Variants in DPF3 observed in about 807,000 individuals in gnomAD.
The protein encoded by DPF3 is double PHD fingers 3.
DPF3 carries 18 observed loss-of-function variants against 56.8 expected under a neutral mutation model. The ratio of observed to expected loss-of-function variants is 0.32; its 90% confidence interval spans 0.22 to 0.47. The LOEUF is 0.47. Ranked by LOEUF, DPF3 falls within the 20% of genes least tolerant of loss-of-function variation. The probability of loss-of-function intolerance (pLI) is 1.00; values close to 1 mark genes in which losing one functional copy is unlikely to be tolerated. For synonymous variants in DPF3, 188 were observed against 180.2 expected (o/e 1.04, Z -0.35); for missense variants, 403 against 488.8 (o/e 0.82, Z 1.65).
At chr14:72,798,534 G>A (rs1425417031) in intron 1 of DPF3, among the ~76,000 whole-genome samples, 1 of 152,214 alleles carries the variant, frequency 6.6e-6, no homozygotes, top group Non-Finnish European at 1.5e-5. Flanking sequence ...TGGCACTGAG[G>A]ATTACATGTG....
chr14:72,644,126 G>A (rs1037649760), intron 8 of DPF3, among the ~76,000 whole-genome samples: 2 of 152,180 alleles, frequency 1.3e-5, no homozygotes, highest in African/African-American at 2.4e-5. Flanking sequence ...GACACCTGAT[G>A]TCCTTCAACA....
rs181999163 is a variant in DPF3, at chr14:72,751,413, G to A, written c.301+1851C>T. On this transcript the variant is annotated intron_variant, in intron 3 of 10. Coordinates refer to ENST00000556509, the MANE Select transcript of DPF3 (RefSeq NM_001280542.3). ...TTCTGAGGATGCACTCCAGGGGATC[G>A]TGATAAAATGCAGGTTCTGATGCAG... Among the ~76,000 whole-genome samples, 425 of 152,284 alleles carry A rather than the reference G, an allele frequency of 2.8e-3. 1 individual carries two copies. The highest frequency in any genetic ancestry group is 4.5e-3 in the Non-Finnish European group (308 of 68,036).
chr14:72,840,408 G>T (rs1235113593), intron 1 of DPF3, among the ~76,000 whole-genome samples: 1 of 151,944 alleles, frequency 6.6e-6, no homozygotes, highest in Non-Finnish European at 1.5e-5. Context: ...TCATATCACT[G>T]ATACTATTCT....
chr14:72,713,260 C>T (rs1028596461), intron 6 of DPF3, among the ~76,000 whole-genome samples: 4 of 152,238 alleles, frequency 2.6e-5, no homozygotes, highest in Non-Finnish European at 4.4e-5. Context: ...TATTAAGCAG[C>T]CAAATGGGAG....
intron 7 of DPF3, among the ~76,000 whole-genome samples, chr14:72,685,084 G>A (rs4903047): frequency 3.3e-5 from 5 of 152,136 alleles, no homozygotes; most frequent in African/African-American, 1.2e-4. Flanking sequence ...AATAAATTCC[G>A]GTTGTTTAAG....
At chr14:72,634,451 T>C (rs918358583) in intron 8 of DPF3, among the ~76,000 whole-genome samples, 1 of 152,164 alleles carries the variant, frequency 6.6e-6, no homozygotes, top group Non-Finnish European at 1.5e-5. Flanking sequence ...TTTCTAAGGT[T>C]CACTGGTCTT....
At chr14:72,881,648 A>G (rs1386951851) in intron 1 of DPF3, among the ~76,000 whole-genome samples, 1 of 152,184 alleles carries the variant, frequency 6.6e-6, no homozygotes, top group Non-Finnish European at 1.5e-5. Flanking sequence ...AAATATTAAA[A>G]TCATTAAAGG....
At chr14:72,864,256 C>G (rs1885571947) in intron 1 of DPF3, among the ~76,000 whole-genome samples, 1 of 152,196 alleles carries the variant, frequency 6.6e-6, no homozygotes, top group Non-Finnish European at 1.5e-5. Context: ...TCCCTCCCAT[C>G]CAGCAGGTCT....
chr14:72,724,681 A>C (rs1054040036), intron 4 of DPF3, among the ~76,000 whole-genome samples: 1 of 149,996 alleles, frequency 6.7e-6, no homozygotes, highest in South Asian at 2.1e-4. Flanking sequence ...ACTGGGCTCC[A>C]TGTCAGGGGG....
At chr14:72,891,229 C>T (rs1407617325) in intron 1 of DPF3, among the ~76,000 whole-genome samples, 1 of 151,982 alleles carries the variant, frequency 6.6e-6, no homozygotes, top group Non-Finnish European at 1.5e-5. Context: ...TTCTTCCCAA[C>T]ACATTAACTA....
intron 1 of DPF3, among the ~76,000 whole-genome samples, chr14:72,887,372 C>T (rs137952788): frequency 1.3e-5 from 2 of 152,084 alleles, no homozygotes; most frequent in African/African-American, 4.8e-5. Flanking sequence ...AGAGGAAAAG[C>T]CCACATTCTA....
intron 9 of DPF3, 60 bp downstream of exon 9, chr14:72,629,564 C>T: frequency 6.9e-7 from 1 of 1,453,522 alleles, no homozygotes; most frequent in Non-Finnish European, 9.3e-7. Context: ...TCCTCTTCAC[C>T]CCTCAAAGGA....
chr14:72,664,743 TTCCACTAATTATCTCA>T (rs1434623029), intron 8 of DPF3, among the ~76,000 whole-genome samples: 2 of 152,224 alleles, frequency 1.3e-5, no homozygotes, highest in African/African-American at 4.8e-5. Context: ...TTGGTAAGAC[TTCCACTAATTATCTCA>T]GAAACTGCTC....
chr14:72,707,557 C>T (rs1489681452), intron 6 of DPF3, among the ~76,000 whole-genome samples: 1 of 152,158 alleles, frequency 6.6e-6, no homozygotes. Context: ...CACTATATAG[C>T]CCTAAAAACT....
chr14:72,836,027 C>A, intron 1 of DPF3: 1 of 984,888 alleles, frequency 1.0e-6, no homozygotes, highest in Non-Finnish European at 1.2e-6. Context: ...CGTCACCACA[C>A]GGGTGCCTCG....
chr14:72,882,812 C>T (rs1886370871), intron 1 of DPF3, among the ~76,000 whole-genome samples: 1 of 152,190 alleles, frequency 6.6e-6, no homozygotes, highest in Non-Finnish European at 1.5e-5. Flanking sequence ...CTCCCCACTC[C>T]CCTCACCTAT....
intron 2 of DPF3, among the ~76,000 whole-genome samples, chr14:72,762,851 T>TG (rs1277766888): frequency 6.6e-6 from 1 of 151,924 alleles, no homozygotes; most frequent in African/African-American, 2.4e-5. Flanking sequence ...TAACAGATAA[T>TG]CAACTATATA....
At chr14:72,672,060 G>GACACACAC (rs369762823) in intron 8 of DPF3, among the ~76,000 whole-genome samples, 1 of 132,976 alleles carries the variant, frequency 7.5e-6, no homozygotes, top group African/African-American at 3.1e-5. Flanking sequence ...CACACACACA[G>GACACACAC]ACACACACAC....
chr14:72,800,895 G>A (rs577846197), intron 1 of DPF3, among the ~76,000 whole-genome samples: 74 of 152,290 alleles, frequency 4.9e-4, no homozygotes, highest in African/African-American at 1.6e-3. Flanking sequence ...GAATTAAAAC[G>A]GCAGCCCACT....
Sources: gnomAD v4.1 joint callset for allele counts (sites outside exome capture counted in the v4.1 genomes callset) on GRCh38, gnomAD v4.1.1 for gene constraint, MANE v1.5 for transcripts, NCBI Gene and HGNC (gene_info 2026-07-23, HGNC 2026-07-21) for gene names.